DLGAP5: variants seen among roughly 807,000 people sequenced by gnomAD.
DLGAP5 encodes the protein DLG associated protein 5, also known as disks large-associated protein 5.
A neutral mutation model predicts 99.6 loss-of-function variants in DLGAP5; 90 were observed. The observed-to-expected ratio is 0.90, with a 90% CI of 0.76 to 1.08. The LOEUF is 1.08. DLGAP5 is among the 50% of genes least tolerant of loss of function. The pLI is 0.00. For missense variants in DLGAP5, 1,036 were observed against 983.5 expected, an observed-to-expected ratio of 1.05 and a Z score of -0.71; for synonymous variants, 311 against 321.3, an observed-to-expected ratio of 0.97 and a Z score of 0.34.
chr14:55,185,354 C>G (rs1230825531), intron 2 of DLGAP5, among the ~76,000 whole-genome samples: 1 of 152,004 alleles, frequency 6.6e-6, no homozygotes, highest in African/African-American at 2.4e-5. Flanking sequence ...CGCCCACCAC[C>G]ATGCCCAGCT....
At chr14:55,149,708 T>C (rs1042994593) in intron 18 of DLGAP5, among the ~76,000 whole-genome samples, 3 of 151,452 alleles carry the variant, frequency 2.0e-5, no homozygotes, top group Non-Finnish European at 4.4e-5. Context: ...TAAGAATCAC[T>C]TGATGAAGAA....
At chr14:55,186,888 T>A (rs1883452711) in intron 2 of DLGAP5, among the ~76,000 whole-genome samples, 2 of 152,230 alleles carry the variant, frequency 1.3e-5, no homozygotes, top group African/African-American at 4.8e-5. Flanking sequence ...TACTTTGCAT[T>A]GTTCCTTGGT....
At chr14:55,155,384 T>C (rs1416650286) in intron 14 of DLGAP5, among the ~76,000 whole-genome samples, 1 of 149,772 alleles carries the variant, frequency 6.7e-6, no homozygotes, top group Non-Finnish European at 1.5e-5. Context: ...TTCATTCTTG[T>C]TGCCCAGGCT....
chr14:55,182,246 G>A (rs1333892634), intron 4 of DLGAP5, 124 bp downstream of exon 4: 6 of 739,788 alleles, frequency 8.1e-6, no homozygotes, highest in Non-Finnish European at 1.3e-5. Context: ...CAGTGACTTT[G>A]GTACCTGTTA....
rs1438597030 is a variant in DLGAP5, at chr14:55,158,758, ACATAG to A, written c.1654-22_1654-18del. 6.3e-7 allele frequency: 1 copy of A among 1,595,832 alleles called. No individual in the cohort carries two copies. The highest frequency in any genetic ancestry group is 1.7e-5 in the Admixed American group (1 of 59,772). On this transcript the variant is annotated intron_variant, in intron 13 of 18. Transcript: ENST00000247191. Reference sequence around the variant, plus strand: ...AACTTTTTTCTGCAAAGAGAAACTAACATAGTAAAGCTGCCCATTACCATCTTACA... The same window carrying A: ...AACTTTTTTCTGCAAAGAGAAACTAATAAAGCTGCCCATTACCATCTTACA...
intron 7 of DLGAP5, among the ~76,000 whole-genome samples, chr14:55,178,353 A>G (rs150956323): frequency 6.6e-6 from 1 of 152,384 alleles, no homozygotes; most frequent in East Asian, 1.9e-4. Flanking sequence ...AAATAACCTT[A>G]GATTATAAAT....
At chr14:55,154,507 T>C (rs752584629) in intron 15 of DLGAP5, 110 bp downstream of exon 15, 3 of 884,740 alleles carry the variant, frequency 3.4e-6, no homozygotes, top group Non-Finnish European at 5.3e-6. Context: ...GCAGGGTCAT[T>C]ATGAAATTTA....
chr14:55,180,228 G>C (rs1403046248), intron 6 of DLGAP5, among the ~76,000 whole-genome samples: 1 of 152,150 alleles, frequency 6.6e-6, no homozygotes, highest in Non-Finnish European at 1.5e-5. Context: ...TGTCACTTCA[G>C]GGTATGGTTT....
chr14:55,150,422 A>C (rs2140302038), intron 18 of DLGAP5: 1 of 159,286 alleles, frequency 6.3e-6, no homozygotes, highest in South Asian at 1.9e-4. Flanking sequence ...AGTAGCCACT[A>C]AAATAGCAGG....
At chr14:55,170,278 T>C (rs372391493) in intron 11 of DLGAP5, among the ~76,000 whole-genome samples, 1 of 151,892 alleles carries the variant, frequency 6.6e-6, no homozygotes, top group Admixed American at 6.5e-5. Context: ...ATTAAGAAAC[T>C]CTTCAGAAAA....
chr14:55,173,628 G>C (rs950170689), intron 10 of DLGAP5, among the ~76,000 whole-genome samples: 1 of 151,700 alleles, frequency 6.6e-6, no homozygotes, highest in African/African-American at 2.4e-5. Flanking sequence ...CATGTTGCAG[G>C]AAGTCAGGGA....
chr14:55,190,911 G>T (rs1883594146), intron 1 of DLGAP5, among the ~76,000 whole-genome samples: 1 of 152,188 alleles, frequency 6.6e-6, no homozygotes, highest in Non-Finnish European at 1.5e-5. Flanking sequence ...AAGAGCGAGC[G>T]AGGACAACAT....
chr14:55,148,239 CAT>C lies in DLGAP5; in HGVS notation c.*110_*111del. On this transcript the variant is annotated 3_prime_UTR_variant, in exon 19 of 19. Transcript: ENST00000247191. ...CTTTGATGAACACAGAATATTAAAA[CAT>C]TATATGCTATAGAAGTGAACACAAA... 1 of 1,071,228 alleles carries C rather than the reference CAT, an allele frequency of 9.3e-7. No homozygotes were observed. Among genetic ancestry groups the C allele is most frequent in the East Asian group, 2.5e-5 (1 of 39,840 alleles). 66.4% of individuals were successfully genotyped at this position (1,071,228 alleles called of 1,614,324 possible).
chr14:55,175,847 G>T, intron 9 of DLGAP5, 47 bp downstream of exon 9: 1 of 1,444,858 alleles, frequency 6.9e-7, no homozygotes, highest in Non-Finnish European at 9.3e-7. Context: ...AATATTTTTT[G>T]TATTAACATT....
At chr14:55,159,019 C>A (rs551762832) in intron 13 of DLGAP5, among the ~76,000 whole-genome samples, 1 of 147,746 alleles carries the variant, frequency 6.8e-6, no homozygotes, top group Non-Finnish European at 1.5e-5. Flanking sequence ...ATTTAGGGGA[C>A]ATCCTTTAGA....
Position 55,183,734 on chromosome 14 carries a change from T to A in DLGAP5, c.258A>T (p.Leu86=), listed in dbSNP as rs1457176238. 6.3e-7 allele frequency: 1 copy of A among 1,595,872 alleles called. No homozygotes were observed. The highest frequency in any genetic ancestry group is 2.2e-5 in the East Asian group (1 of 44,678). ...NVKPRAMKTI[L]GDQRKQMLQK... is the part of the protein sequence containing the mutation. ...GGAGCATCTGTTTTCGTTGATCACCTAGAATAGTTTTCATTGCCCCTAGGC... is the reference window on the plus strand; with the variant it reads ...GGAGCATCTGTTTTCGTTGATCACCAAGAATAGTTTTCATTGCCCCTAGGC... Residue 86 remains leucine (L), a synonymous_variant, in exon 3 of 19, where the codon CTA becomes CTT. Transcript: ENST00000247191.
intron 2 of DLGAP5, among the ~76,000 whole-genome samples, chr14:55,185,680 C>T (rs930687254): frequency 6.6e-5 from 10 of 152,130 alleles, no homozygotes; most frequent in Non-Finnish European, 1.3e-4. Flanking sequence ...GATGGGGTTT[C>T]ACCATGTTGG....
In DLGAP5 at chr14:55,150,837, T is replaced by C; in HGVS notation, c.2380A>G (p.Asn794Asp). Residue 794 changes from asparagine to aspartate, a missense_variant, in exon 18 of 19, where the codon AAT (asparagine) becomes GAT (aspartate). Coordinates refer to ENST00000247191, the MANE Select transcript of DLGAP5 (RefSeq NM_014750.5). ...TGGCATTCAGTAGTGAGACTTTTAT[T>C]ATCAAATAGTTCTGAAAAACAACAA... ...TKISQSELFD[N>D]KSLTTECHLL... The C allele has an allele frequency of 1.3e-6, 2 of 1,583,706 alleles. No individual in the cohort carries two copies. The highest frequency in any genetic ancestry group is 1.7e-6 in the Non-Finnish European group (2 of 1,170,468).
chr14:55,148,213 A>T lies in DLGAP5; in HGVS notation c.*138T>A. 1 of 865,200 alleles carries T rather than the reference A, an allele frequency of 1.2e-6. No individual in the cohort carries two copies. The highest frequency in any genetic ancestry group is 1.7e-6 in the Non-Finnish European group (1 of 579,430). 53.6% of individuals were successfully genotyped at this position (865,200 alleles called of 1,614,324 possible). On this transcript the variant is annotated 3_prime_UTR_variant, in exon 19 of 19. Coordinates refer to ENST00000247191, the MANE Select transcript of DLGAP5 (RefSeq NM_014750.5). The stretch of plus-strand genomic sequence containing the variant: ...TTGAGAAAGAGTATATCTAAAATAC[A>T]CTTTGATGAACACAGAATATTAAAA...
Sources: allele counts gnomAD v4.1 joint callset (sites outside exome capture counted in the v4.1 genomes callset), GRCh38; gene constraint gnomAD v4.1.1; transcripts MANE v1.5; gene names NCBI Gene and HGNC (gene_info 2026-07-23, HGNC 2026-07-21).